The following DCLK2 variants were observed in gnomAD, a reference collection of about 807,000 sequenced individuals.
The protein encoded by DCLK2 is serine/threonine-protein kinase DCLK2.
In DCLK2, 31 loss-of-function variants were observed where a neutral mutation model predicts 78.4. That is an observed-to-expected ratio of 0.40 (90% CI 0.30 to 0.53). The LOEUF is 0.53. Ranked by LOEUF, DCLK2 falls within the 20% of genes least tolerant of loss-of-function variation. DCLK2 has a pLI of 0.61. For missense variants in DCLK2, 872 were observed against 973.7 expected (o/e 0.90, Z 1.39); for synonymous variants, 407 against 374.9 (o/e 1.09, Z -0.99).
chr4:150,216,564 G>A (rs150452793), intron 5 of DCLK2, among the ~76,000 whole-genome samples: 1,640 of 152,212 alleles, frequency 0.011, 31 homozygotes, highest in African/African-American at 0.038. Context: ...GCTTGAACCC[G>A]GGAGGCGGAG....
intron 2 of DCLK2, among the ~76,000 whole-genome samples, chr4:150,185,419 A>AT (rs200535844): frequency 0.14 from 20,633 of 146,836 alleles, 1,827 homozygotes; most frequent in South Asian, 0.45. Flanking sequence ...CATGCATAGT[A>AT]TTTTTTTTTT....
chr4:150,109,698 C>T (rs924741538), intron 2 of DCLK2, among the ~76,000 whole-genome samples: 25 of 152,256 alleles, frequency 1.6e-4, no homozygotes, highest in African/African-American at 5.1e-4. Flanking sequence ...TAAATACATT[C>T]GCACTTGCAA....
intron 2 of DCLK2, among the ~76,000 whole-genome samples, chr4:150,186,237 T>TC (rs1003396940): frequency 2.0e-5 from 3 of 152,132 alleles, no homozygotes; most frequent in Non-Finnish European, 4.4e-5. Context: ...TTTTTTTTTT[T>TC]CCTCAGACGG....
chr4:150,147,457 C>A (rs1248330284), intron 2 of DCLK2, among the ~76,000 whole-genome samples: 1 of 150,400 alleles, frequency 6.6e-6, no homozygotes, highest in Admixed American at 6.6e-5. Context: ...TCATTTATTT[C>A]TATATCATTA....
chr4:150,184,907 A>G (rs556665257), intron 2 of DCLK2, among the ~76,000 whole-genome samples: 2 of 152,116 alleles, frequency 1.3e-5, no homozygotes, highest in South Asian at 2.1e-4. Context: ...GGCCAGTCTT[A>G]TGTTTCTTAC....
chr4:150,079,111 C>A lies in DCLK2; in HGVS notation c.84C>A (p.Pro28=), dbSNP rs1218331824. The part of the protein sequence containing the change: ...RPRPGSRRGA[P]SSSGGSSSSG... ...GGCCGGGGTCGCGGAGAGGGGCCCC[C>A]AGCTCCTCCGGGGGCAGCAGCAGCT... is the stretch of plus-strand genomic sequence containing the variant. Residue 28 remains proline, a synonymous_variant, in exon 1 of 16, where the codon CCC becomes CCA. Transcript: ENST00000296550. The A allele has an allele frequency of 1.3e-6, 2 of 1,572,812 alleles. No homozygotes were observed. The highest frequency in any genetic ancestry group is 2.7e-5 in the African/African-American group (2 of 73,572).
At chr4:150,232,227 T>G in intron 8 of DCLK2, 110 bp from the exon 9 acceptor site, 1 of 1,377,292 alleles carries the variant, frequency 7.3e-7, no homozygotes, top group Non-Finnish European at 9.9e-7. Flanking sequence ...AGAGCAATGC[T>G]TTCTTTGGCA....
At chr4:150,160,431 A>G (rs949300318) in intron 2 of DCLK2, among the ~76,000 whole-genome samples, 3 of 152,292 alleles carry the variant, frequency 2.0e-5, no homozygotes, top group South Asian at 2.1e-4. Context: ...TTCAAGCACC[A>G]TGTTGATCAG....
At chr4:150,213,332 G>A (rs552374109) in intron 5 of DCLK2, among the ~76,000 whole-genome samples, 37 of 152,190 alleles carry the variant, frequency 2.4e-4, no homozygotes, top group Non-Finnish European at 4.7e-4. Context: ...TTTGCCAAAC[G>A]AAACCAAATC....
At chr4:150,247,735 G>A (rs367870550) in intron 13 of DCLK2, 36 bp downstream of exon 13, 79 of 1,560,602 alleles carry the variant, frequency 5.1e-5, no homozygotes, top group Admixed American at 6.7e-5. Flanking sequence ...GTTGTATTAC[G>A]TTGTGGGGTC....
At chr4:150,230,600 A>G (rs1382835979) in intron 8 of DCLK2, among the ~76,000 whole-genome samples, 2 of 152,210 alleles carry the variant, frequency 1.3e-5, no homozygotes, top group African/African-American at 4.8e-5. Context: ...CATGTTCACA[A>G]AAGTGTATCT....
At chr4:150,234,583 C>A (rs1275240799) in intron 10 of DCLK2, among the ~76,000 whole-genome samples, 1 of 152,166 alleles carries the variant, frequency 6.6e-6, no homozygotes, top group Non-Finnish European at 1.5e-5. Context: ...TATTTTTTGG[C>A]TAATCTAATC....
intron 1 of DCLK2, among the ~76,000 whole-genome samples, chr4:150,097,902 A>C (rs954584173): frequency 2.0e-5 from 3 of 152,238 alleles, no homozygotes; most frequent in Non-Finnish European, 4.4e-5. Context: ...CAGGGAAAGG[A>C]GAATGAATAT....
chr4:150,079,574 G>T, intron 1 of DCLK2, 126 bp downstream of exon 1: 3 of 998,040 alleles, frequency 3.0e-6, no homozygotes, highest in Non-Finnish European at 4.2e-6. Context: ...GCTTCTGTCT[G>T]CTTCTCTAGA....
At chr4:150,151,021 G>A (rs1290634496) in intron 2 of DCLK2, among the ~76,000 whole-genome samples, 1 of 152,228 alleles carries the variant, frequency 6.6e-6, no homozygotes, top group Non-Finnish European at 1.5e-5. Flanking sequence ...CAGTGCCTCA[G>A]CACCTACTGC....
intron 12 of DCLK2, among the ~76,000 whole-genome samples, chr4:150,246,978 A>G (rs1367857751): frequency 6.6e-6 from 1 of 152,088 alleles, no homozygotes; most frequent in Non-Finnish European, 1.5e-5. Flanking sequence ...TAATTATTTC[A>G]TGAATGTTTA....
intron 1 of DCLK2, among the ~76,000 whole-genome samples, chr4:150,095,529 G>A (rs142516629): frequency 2.8e-3 from 428 of 152,218 alleles, no homozygotes; most frequent in Non-Finnish European, 4.1e-3. Flanking sequence ...TTCTCTTGTT[G>A]GACATGTGGG....
intron 8 of DCLK2, among the ~76,000 whole-genome samples, chr4:150,225,038 A>G (rs555933966): frequency 6.6e-6 from 1 of 152,354 alleles, no homozygotes; most frequent in African/African-American, 2.4e-5. Context: ...TGAGGAGCCC[A>G]GCTGGATGAT....
At chr4:150,199,868 C>CCACA (rs1739331836) in intron 4 of DCLK2, among the ~76,000 whole-genome samples, 1 of 152,108 alleles carries the variant, frequency 6.6e-6, no homozygotes, top group African/African-American at 2.4e-5. Context: ...TAGCTGGGCA[C>CCACA]GGAGGTACCA....
Sources: allele counts gnomAD v4.1 joint callset (sites outside exome capture counted in the v4.1 genomes callset), GRCh38; gene constraint gnomAD v4.1.1; transcripts MANE v1.5; gene names NCBI Gene and HGNC (gene_info 2026-07-23, HGNC 2026-07-21).